The following TMEM114 variants were observed in gnomAD, a reference collection of about 807,000 sequenced individuals.
The protein encoded by TMEM114 is transmembrane protein 114, also known as claudin-26.
In TMEM114, 6 loss-of-function variants were observed where a neutral mutation model predicts 6.2. That is an observed-to-expected ratio of 0.97 (90% CI 0.53 to 1.91). TMEM114 has a LOEUF of 1.91. Ranked by LOEUF, TMEM114 falls within the 40% of genes most tolerant of loss-of-function variation. The pLI, the probability that TMEM114 is intolerant of heterozygous loss-of-function variation, is 0.01. For synonymous variants in TMEM114, 104 were observed against 73.0 expected, an observed-to-expected ratio of 1.42 and a Z score of -2.16; for missense variants, 218 against 158.3, an observed-to-expected ratio of 1.38 and a Z score of -2.02.
At chr16:8,546,935 T>C (rs2141654515) in intron 2 of TMEM114, among the ~76,000 whole-genome samples, 1 of 152,358 alleles carries the variant, frequency 6.6e-6, no homozygotes, top group South Asian at 2.1e-4. Flanking sequence ...CGTTTATTTC[T>C]AAAGCTAGCT....
intron 2 of TMEM114, among the ~76,000 whole-genome samples, chr16:8,553,199 T>G (rs568803065): frequency 1.3e-5 from 2 of 152,354 alleles, no homozygotes; most frequent in South Asian, 4.1e-4. Flanking sequence ...CCCTGGGGCA[T>G]CAGCTCAGTG....
chr16:8,551,764 A>G (rs1013477031), intron 2 of TMEM114, among the ~76,000 whole-genome samples: 2 of 152,242 alleles, frequency 1.3e-5, no homozygotes, highest in African/African-American at 4.8e-5. Context: ...GGGGTGTTTC[A>G]TTAAACTTCT....
intron 2 of TMEM114, among the ~76,000 whole-genome samples, chr16:8,540,264 A>C (rs1463492704): frequency 6.6e-6 from 1 of 152,206 alleles, no homozygotes; most frequent in Non-Finnish European, 1.5e-5. Flanking sequence ...ACTTTTCCAT[A>C]AAATAGTTTA....
At chr16:8,587,414 C>A (rs1463612565) in intron 2 of TMEM114, among the ~76,000 whole-genome samples, 1 of 152,140 alleles carries the variant, frequency 6.6e-6, no homozygotes, top group East Asian at 1.9e-4. Flanking sequence ...ATGAGGGAGT[C>A]AGATTTAAAC....
the TMEM114 span, among the ~76,000 whole-genome samples, chr16:8,528,270 ACT>A: frequency 6.6e-6 from 1 of 151,580 alleles, no homozygotes; most frequent in South Asian, 2.1e-4. Flanking sequence ...ACACGCACAC[ACT>A]CTTTCTCTTT....
At position 8,569,526 on chromosome 16, in the gene TMEM114, T is replaced by C; in HGVS notation, c.*247A>G. 1 of 1,392,744 alleles carries C rather than the reference T, an allele frequency of 7.2e-7. No homozygotes were observed. 86.3% of individuals were successfully genotyped at this position (1,392,744 alleles called of 1,614,324 possible). A position where few individuals can be genotyped will look rare whatever the true frequency, so the allele number is the denominator to read the frequency against. On this transcript the variant is annotated 3_prime_UTR_variant, in exon 4 of 4. Transcript: ENST00000620492. ...GTGATTAAAGGATCGTTTTTATTTC[T>C]CGCGAAGCGGTTTGGCACTCCCTCG...
At chr16:8,547,133 C>G (rs1191493368) in intron 2 of TMEM114, among the ~76,000 whole-genome samples, 4 of 152,080 alleles carry the variant, frequency 2.6e-5, no homozygotes, top group African/African-American at 7.2e-5. Context: ...TCATTGACAG[C>G]AAATACGGCT....
chr16:8,580,355 T>C (rs1043322491), intron 2 of TMEM114, among the ~76,000 whole-genome samples: 2 of 151,854 alleles, frequency 1.3e-5, no homozygotes, highest in Admixed American at 6.6e-5. Context: ...GACGTGGTGA[T>C]GTGCACCTCT....
intron 2 of TMEM114, among the ~76,000 whole-genome samples, chr16:8,563,072 AGTAAGTGAATGAGT>A (rs1395336237): frequency 6.8e-6 from 1 of 147,544 alleles, no homozygotes; most frequent in Non-Finnish European, 1.5e-5. Flanking sequence ...TAAGTGAATG[AGTAAGTGAATGAGT>A]GAGTGAGGGA....
chr16:8,585,607 G>C (rs1415000439), intron 2 of TMEM114, among the ~76,000 whole-genome samples: 2 of 151,304 alleles, frequency 1.3e-5, no homozygotes, highest in Non-Finnish European at 2.9e-5. Context: ...AATTCATTTT[G>C]GAAGAAAAAG....
chr16:8,563,965 G>C (rs1401256047), intron 2 of TMEM114, among the ~76,000 whole-genome samples: 1 of 143,410 alleles, frequency 7.0e-6, no homozygotes, highest in African/African-American at 2.6e-5. Flanking sequence ...GAGTGAATGA[G>C]TGAATGAGTG....
At position 8,569,705 on chromosome 16, in the gene TMEM114, G is replaced by T; in HGVS notation, c.*68C>A. ...CTTTGAGGAAGAAGAGGCCGCAGCC[G>T]ATGGAGATCGGTCGGTGAAGCTCCG... On this transcript the variant is annotated 3_prime_UTR_variant, in exon 4 of 4. Transcript: ENST00000620492. The T allele has an allele frequency of 6.8e-7, 1 of 1,479,986 alleles. No homozygotes were observed. Among genetic ancestry groups the T allele is most frequent in the Admixed American group, 2.4e-5 (1 of 42,058 alleles). The allele number at this position is 1,479,986 out of a possible 1,614,324, so 91.7% of individuals were successfully genotyped here.
intron 2 of TMEM114, among the ~76,000 whole-genome samples, chr16:8,547,914 C>A (rs1055710945): frequency 3.9e-5 from 6 of 152,128 alleles, no homozygotes; most frequent in African/African-American, 1.4e-4. Context: ...TTTGATGGGC[C>A]TGTGGCCTGC....
downstream of TMEM114, among the ~76,000 whole-genome samples, chr16:8,536,633 ATTCTTT>A (rs1019295685): frequency 2.6e-5 from 4 of 152,134 alleles, no homozygotes; most frequent in African/African-American, 7.2e-5. Context: ...TCAGATGCTT[ATTCTTT>A]TTCTTTTTCT....
intron 2 of TMEM114, among the ~76,000 whole-genome samples, chr16:8,550,647 C>T (rs1381544392): frequency 4.0e-5 from 6 of 149,720 alleles, no homozygotes; most frequent in African/African-American, 1.5e-4. Context: ...CATTGCTCTC[C>T]AGCCTGAGCA....
the TMEM114 span, among the ~76,000 whole-genome samples, chr16:8,530,835 C>G: frequency 6.6e-6 from 1 of 151,926 alleles, no homozygotes; most frequent in South Asian, 2.1e-4. Flanking sequence ...ACCAGCCTGG[C>G]CAACACAGAG....
At chr16:8,589,438 G>A in intron 1 of TMEM114, 145 bp from the exon 2 acceptor site, 1 of 398,192 alleles carries the variant, frequency 2.5e-6, no homozygotes, top group Non-Finnish European at 4.4e-6. Context: ...TCGCAGCCGG[G>A]TGCCTCTCGG....
At chr16:8,561,648 A>G (rs1253125914) in intron 2 of TMEM114, among the ~76,000 whole-genome samples, 1 of 141,428 alleles carries the variant, frequency 7.1e-6, no homozygotes, top group Non-Finnish European at 1.6e-5. Flanking sequence ...TGAACAAGTG[A>G]GTGAATAAGT....
downstream of TMEM114, among the ~76,000 whole-genome samples, chr16:8,565,777 T>G (rs1901522232): frequency 6.6e-6 from 1 of 152,144 alleles, no homozygotes; most frequent in African/African-American, 2.4e-5. Context: ...CTGGGGAACT[T>G]TGTGAACATA....
Sources: gnomAD v4.1 joint callset for allele counts (sites outside exome capture counted in the v4.1 genomes callset) on GRCh38, gnomAD v4.1.1 for gene constraint, MANE v1.5 for transcripts, NCBI Gene and HGNC (gene_info 2026-07-23, HGNC 2026-07-21) for gene names.